Variants in CADM2 observed in about 807,000 individuals in gnomAD.
CADM2 encodes cell adhesion molecule 2.
CADM2 carries 12 observed loss-of-function variants against 49.8 expected under a neutral mutation model. That is an observed-to-expected ratio of 0.24 (90% CI 0.15 to 0.39). The LOEUF (loss-of-function observed/expected upper bound fraction) is 0.39. Ranked by LOEUF, CADM2 falls within the 10% of genes least tolerant of loss-of-function variation. The probability of loss-of-function intolerance (pLI) is 1.00; values close to 1 mark genes in which losing one functional copy is unlikely to be tolerated. For synonymous variants in CADM2, 214 were observed against 175.4 expected (o/e 1.22, Z -1.74); for missense variants, 378 against 492.3 (o/e 0.77, Z 2.20).
Position 86,069,685 on chromosome 3 carries a change from A to G in CADM2, c.*2902A>G, listed in dbSNP as rs1189721209. ...GTGAGCACAGTAGGTAGGGAACTCA[A>G]TGGAAGCAGTGTGCACACACACACA... On this transcript the variant is annotated 3_prime_UTR_variant, in exon 10 of 10. Transcript: ENST00000383699. 1.3e-5 allele frequency: 2 copies of G among 151,960 alleles called. No homozygotes were observed. The highest frequency in any genetic ancestry group is 1.9e-4 in the East Asian group (1 of 5,186). 9.4% of individuals were successfully genotyped at this position (151,960 alleles called of 1,614,324 possible).
intron 1 of CADM2, among the ~76,000 whole-genome samples, chr3:85,377,307 G>T (rs940390014): frequency 6.6e-6 from 1 of 152,094 alleles, no homozygotes; most frequent in African/African-American, 2.4e-5. Flanking sequence ...AGCGGAATTA[G>T]TGTCTACAGA....
intron 1 of CADM2, among the ~76,000 whole-genome samples, chr3:85,096,908 A>G (rs983782206): frequency 1.3e-5 from 2 of 152,058 alleles, no homozygotes; most frequent in Non-Finnish European, 2.9e-5. Flanking sequence ...TTTTTCTGCT[A>G]TTAGTTTTAC....
At chr3:85,221,256 G>A (rs1462239797) in intron 1 of CADM2, among the ~76,000 whole-genome samples, 1 of 152,084 alleles carries the variant, frequency 6.6e-6, no homozygotes, top group Non-Finnish European at 1.5e-5. Context: ...GTAATTTAAT[G>A]TGGTTATCTG....
At chr3:85,562,428 A>C (rs927775596) in intron 1 of CADM2, among the ~76,000 whole-genome samples, 3 of 138,332 alleles carry the variant, frequency 2.2e-5, no homozygotes, top group Non-Finnish European at 3.0e-5. Flanking sequence ...CAGTGAGCTG[A>C]GATAGTGCCA....
intron 1 of CADM2, among the ~76,000 whole-genome samples, chr3:85,126,032 A>T (rs1240101610): frequency 6.6e-6 from 1 of 152,172 alleles, no homozygotes; most frequent in African/African-American, 2.4e-5. Context: ...CCAGACTATG[A>T]TATCATATAT....
At chr3:85,957,667 T>C (rs1302196974) in intron 7 of CADM2, among the ~76,000 whole-genome samples, 2 of 151,832 alleles carry the variant, frequency 1.3e-5, no homozygotes, top group South Asian at 2.1e-4. Flanking sequence ...CCATTTCAGA[T>C]GCCACTCACA....
intron 1 of CADM2, among the ~76,000 whole-genome samples, chr3:85,500,454 T>C (rs1333896632): frequency 6.6e-6 from 1 of 152,176 alleles, no homozygotes; most frequent in Non-Finnish European, 1.5e-5. Flanking sequence ...ATGGTGTGTC[T>C]TATAATTGAT....
intron 8 of CADM2, among the ~76,000 whole-genome samples, chr3:86,009,241 ATT>A (rs1731196402): frequency 6.7e-6 from 1 of 148,432 alleles, no homozygotes; most frequent in Admixed American, 6.8e-5. Context: ...ACATATATAT[ATT>A]CTTTCCAGTA....
chr3:85,034,581 G>T (rs1411819223), intron 1 of CADM2, among the ~76,000 whole-genome samples: 2 of 151,986 alleles, frequency 1.3e-5, no homozygotes, highest in Admixed American at 1.3e-4. Flanking sequence ...TATCTCTGAC[G>T]TATTTCCTTT....
At chr3:85,995,014 T>TAAA (rs59038758) in intron 8 of CADM2, among the ~76,000 whole-genome samples, 8 of 83,004 alleles carry the variant, frequency 9.6e-5, no homozygotes, top group Admixed American at 1.6e-4. Context: ...TTCGATTTGT[T>TAAA]AAAAAAAAAA....
chr3:85,886,657 C>G (rs1713700349), intron 5 of CADM2, among the ~76,000 whole-genome samples: 1 of 152,022 alleles, frequency 6.6e-6, no homozygotes, highest in African/African-American at 2.4e-5. Flanking sequence ...ACTATTATTT[C>G]AGACCTCATA....
At chr3:85,534,175 T>A (rs1008330383) in intron 1 of CADM2, among the ~76,000 whole-genome samples, 1 of 152,192 alleles carries the variant, frequency 6.6e-6, no homozygotes, top group Non-Finnish European at 1.5e-5. Flanking sequence ...TTGCGATGTC[T>A]GATATCTTTA....
chr3:85,500,217 G>A lies in CADM2; in HGVS notation c.62-226305G>A, dbSNP rs1010851334. On this transcript the variant is annotated intron_variant, in intron 1 of 9. Transcript: ENST00000383699. ...AACAAAATTGCATTATTTATCCAGC[G>A]CTTCTTTAAACTTTTTGGTTTTTTA... 5.3e-5 allele frequency among the ~76,000 whole-genome samples: 8 copies of A among 151,974 alleles called. No homozygotes were observed. The East Asian group carries it at 7.7e-4, about 15-fold the overall frequency.
At chr3:85,681,394 C>G (rs1266543819) in intron 1 of CADM2, among the ~76,000 whole-genome samples, 1 of 152,114 alleles carries the variant, frequency 6.6e-6, no homozygotes, top group Non-Finnish European at 1.5e-5. Flanking sequence ...TCTGCTTAAT[C>G]TTTAAGCTAA....
chr3:85,808,134 C>T (rs2072570868), intron 3 of CADM2, among the ~76,000 whole-genome samples: 1 of 152,138 alleles, frequency 6.6e-6, no homozygotes, highest in Non-Finnish European at 1.5e-5. Context: ...ATTACAATTC[C>T]ACTTCATTTC....
intron 1 of CADM2, among the ~76,000 whole-genome samples, chr3:85,401,228 C>G (rs2035091798): frequency 6.6e-6 from 1 of 152,156 alleles, no homozygotes; most frequent in African/African-American, 2.4e-5. Flanking sequence ...CTGGCCTCAG[C>G]TAATGGTTCT....
intron 1 of CADM2, among the ~76,000 whole-genome samples, chr3:85,409,121 C>T (rs1176948551): frequency 1.3e-5 from 2 of 152,106 alleles, no homozygotes; most frequent in Non-Finnish European, 2.9e-5. Flanking sequence ...GTTTGGGAGA[C>T]TTTAGTGTAA....
At chr3:85,308,362 A>T (rs1227042360) in intron 1 of CADM2, among the ~76,000 whole-genome samples, 1 of 150,016 alleles carries the variant, frequency 6.7e-6, no homozygotes, top group East Asian at 2.0e-4. Context: ...TTACAAGCCT[A>T]TAAATCCTAT....
At chr3:86,046,197 T>G (rs983672014) in intron 8 of CADM2, among the ~76,000 whole-genome samples, 8 of 152,194 alleles carry the variant, frequency 5.3e-5, no homozygotes, top group African/African-American at 1.9e-4. Context: ...AATTATGTTT[T>G]TATTTTTTCA....
Sources: gnomAD v4.1 joint callset for allele counts (sites outside exome capture counted in the v4.1 genomes callset) on GRCh38, gnomAD v4.1.1 for gene constraint, MANE v1.5 for transcripts, NCBI Gene and HGNC (gene_info 2026-07-23, HGNC 2026-07-21) for gene names.